Variants in PCYOX1 observed in about 807,000 individuals in gnomAD.
PCYOX1 encodes prenylcysteine oxidase 1, also known as prenylcysteine lyase.
A neutral mutation model predicts 46.4 loss-of-function variants in PCYOX1; 46 were observed. That is an observed-to-expected ratio of 0.99 (90% CI 0.78 to 1.27). PCYOX1 has a LOEUF of 1.27. PCYOX1 is among the 50% of genes most tolerant of loss of function. The probability of loss-of-function intolerance (pLI) is 0.00; values close to 1 mark genes in which losing one functional copy is unlikely to be tolerated. For missense variants in PCYOX1, 658 were observed against 628.3 expected (o/e 1.05, Z -0.51); for synonymous variants, 220 against 231.8 (o/e 0.95, Z 0.46).
intron 3 of PCYOX1, among the ~76,000 whole-genome samples, chr2:70,267,526 G>T (rs896884488): frequency 5.9e-5 from 9 of 152,256 alleles, no homozygotes; most frequent in Non-Finnish European, 1.3e-4. Flanking sequence ...GCGACACTCC[G>T]TCTGCAATCC....
At chr2:70,272,193 C>A (rs1238335540) in intron 3 of PCYOX1, among the ~76,000 whole-genome samples, 2 of 147,272 alleles carry the variant, frequency 1.4e-5, no homozygotes, top group African/African-American at 2.5e-5. Context: ...GTGGCACGAT[C>A]TCGGCTCACT....
chr2:70,271,556 C>T (rs926971805), intron 3 of PCYOX1, among the ~76,000 whole-genome samples: 2 of 152,024 alleles, frequency 1.3e-5, no homozygotes, highest in Non-Finnish European at 2.9e-5. Flanking sequence ...GAAAAAAACT[C>T]AGCGATAATT....
chr2:70,260,434 C>A (rs992774666), intron 2 of PCYOX1, among the ~76,000 whole-genome samples: 2 of 152,158 alleles, frequency 1.3e-5, no homozygotes, highest in African/African-American at 4.8e-5. Flanking sequence ...GTCCCAGCTT[C>A]TTGGGAGGCA....
chr2:70,274,884 G>T, intron 3 of PCYOX1, 75 bp from the exon 4 acceptor site: 1 of 931,748 alleles, frequency 1.1e-6, no homozygotes, highest in East Asian at 2.4e-5. Context: ...TTCTTATGAC[G>T]CCACTTCCCT....
At position 70,278,665 on chromosome 2, in the gene PCYOX1, A is replaced by C. The variant is rs1696719506; in HGVS notation, c.*1273A>C. 6.6e-6 allele frequency: 1 copy of C among 152,198 alleles called. No homozygotes were observed. 9.4% of individuals were successfully genotyped at this position (152,198 alleles called of 1,614,324 possible). On this transcript the variant is annotated 3_prime_UTR_variant, in exon 6 of 6. Coordinates refer to ENST00000433351, the MANE Select transcript of PCYOX1 (RefSeq NM_016297.4). ...TGAGAAATTGGTTGCTGAAATCTTA[A>C]GACAGTGGTCTCAACCTTGGCTGCA...
chr2:70,264,137 AT>A (rs1022113486), intron 3 of PCYOX1, among the ~76,000 whole-genome samples: 3 of 147,596 alleles, frequency 2.0e-5, no homozygotes, highest in Non-Finnish European at 4.5e-5. Flanking sequence ...AATTTTTTGT[AT>A]TTTTTTTGTA....
At chr2:70,274,642 C>T (rs1198361216) in intron 3 of PCYOX1, 7 of 300,646 alleles carry the variant, frequency 2.3e-5, no homozygotes, top group Middle Eastern at 2.2e-3. Flanking sequence ...CAGTTCACTG[C>T]GGCCTTGAAT....
intron 3 of PCYOX1, among the ~76,000 whole-genome samples, chr2:70,264,552 C>T (rs1320146128): frequency 6.6e-6 from 1 of 151,366 alleles, no homozygotes; most frequent in African/African-American, 2.4e-5. Context: ...GTCTCAAACT[C>T]CTGGCCTTAA....
rs575085252 is a variant in PCYOX1, at chr2:70,258,164, C to A, written c.-1C>A. On this transcript the variant is annotated 5_prime_UTR_variant, in exon 1 of 6. Transcript: ENST00000433351. The stretch of plus-strand genomic sequence containing the variant: ...GGCCAGCTGCAGAGCTTGTGGAGGC[C>A]ATGGGGCGCGTCGTCGCGGAGCTCG... 2 of 1,593,584 alleles carry A rather than the reference C, an allele frequency of 1.3e-6. No individual in the cohort carries two copies. Among genetic ancestry groups the A allele is most frequent in the African/African-American group, 2.7e-5 (2 of 73,136 alleles).
chr2:70,269,313 G>C (rs1371027794), intron 3 of PCYOX1, among the ~76,000 whole-genome samples: 1 of 148,034 alleles, frequency 6.8e-6, no homozygotes, highest in African/African-American at 2.5e-5. Context: ...GACTACAGAT[G>C]TGCACTACCA....
chr2:70,261,106 A>T, intron 2 of PCYOX1, 106 bp from the exon 3 acceptor site: 1 of 659,268 alleles, frequency 1.5e-6, no homozygotes, highest in East Asian at 2.7e-5. Context: ...GAGCTCCTTT[A>T]TGTGTCTCCT....
intron 3 of PCYOX1, among the ~76,000 whole-genome samples, chr2:70,263,952 C>G (rs1696475481): frequency 6.7e-6 from 1 of 148,248 alleles, no homozygotes; most frequent in Non-Finnish European, 1.5e-5. Flanking sequence ...AGCCACTGTG[C>G]CCGGCCCTCT....
At position 70,261,306 on chromosome 2, in the gene PCYOX1, G is replaced by T. The variant is rs756103774; in HGVS notation, c.414G>T (p.Val138=). The T allele has an allele frequency of 1.7e-5, 27 of 1,610,930 alleles. No homozygotes were observed. The highest frequency in any genetic ancestry group is 2.1e-5 in the Non-Finnish European group (25 of 1,177,070). ...AGAGCAACTGGTTCATAATTAACGT[G>T]ATTAAATTAGTTTGGCGCTATGGAT... ...FEESNWFIIN[V]IKLVWRYGFQ... Residue 138 remains valine (V), a synonymous_variant, in exon 3 of 6, where the codon GTG becomes GTT. Coordinates refer to ENST00000433351, the MANE Select transcript of PCYOX1 (RefSeq NM_016297.4).
intron 2 of PCYOX1, among the ~76,000 whole-genome samples, chr2:70,260,030 G>A (rs893555572): frequency 6.6e-6 from 1 of 152,164 alleles, no homozygotes; most frequent in African/African-American, 2.4e-5. Context: ...TGGCCAGCTG[G>A]TCTTGAACTC....
intron 5 of PCYOX1, among the ~76,000 whole-genome samples, chr2:70,276,292 C>A (rs1405299843): frequency 1.3e-5 from 2 of 151,622 alleles, no homozygotes; most frequent in African/African-American, 4.8e-5. Context: ...GCCTCAGCGT[C>A]CCGAGTAGCT....
chr2:70,273,691 A>G (rs970381052), intron 3 of PCYOX1, among the ~76,000 whole-genome samples: 1 of 152,230 alleles, frequency 6.6e-6, no homozygotes, highest in Non-Finnish European at 1.5e-5. Context: ...CCTGTTTTCC[A>G]TCTTTGTACT....
intron 3 of PCYOX1, among the ~76,000 whole-genome samples, chr2:70,265,198 ATTT>A (rs397871875): frequency 1.2e-4 from 12 of 104,058 alleles, no homozygotes; most frequent in Admixed American, 3.3e-4. Context: ...TTCTTAACTA[ATTT>A]TTTTTTTTTT....
At position 70,275,374 on chromosome 2, in the gene PCYOX1, T is replaced by C. The variant is rs944695736; in HGVS notation, c.707-140T>C. On this transcript the variant is annotated intron_variant, in intron 4 of 5. Transcript: ENST00000433351. ...TTTCATTAGTTCAGTAATTCTTAAC[T>C]GGGGGAGATTTTGCTCCCAGGGGCC... 4.4e-6 allele frequency: 4 copies of C among 900,146 alleles called. No homozygotes were observed. The African/African-American group carries it at 6.7e-5, about 15-fold the overall frequency. The allele number at this position is 900,146 out of a possible 1,614,324, so 55.8% of individuals were successfully genotyped here.
rs187922638 is a variant in PCYOX1 at position 70,259,889 on chromosome 2, C to T, written c.319+323C>T. Among the ~76,000 whole-genome samples, 857 of 152,188 alleles carry T rather than the reference C, an allele frequency of 5.6e-3. 7 individuals carry two copies. Among genetic ancestry groups the T allele is most frequent in the Non-Finnish European group, 7.7e-3 (525 of 68,014 alleles). On this transcript the variant is annotated intron_variant, in intron 2 of 5. Transcript: ENST00000433351. ...GGAGTGCAATGGTGCGATCTTGGCT[C>T]ACTGCAACCTCTGCCTCCCGGGTTC... is the stretch of plus-strand genomic sequence containing the variant.
Sources: gnomAD v4.1 joint callset for allele counts (sites outside exome capture counted in the v4.1 genomes callset) on GRCh38, gnomAD v4.1.1 for gene constraint, MANE v1.5 for transcripts, NCBI Gene and HGNC (gene_info 2026-07-23, HGNC 2026-07-21) for gene names.